Variants in GANAB observed in about 807,000 individuals in gnomAD.
GANAB encodes the protein glucosidase II alpha subunit.
Under a neutral mutation model 129.9 loss-of-function variants are expected in GANAB, and 35 were observed. That is an observed-to-expected ratio of 0.27 (90% CI 0.21 to 0.36). The LOEUF (loss-of-function observed/expected upper bound fraction) is 0.36, where lower values mean the gene tolerates loss of function less well. GANAB is among the 10% of genes least tolerant of loss of function. The pLI, the probability that GANAB is intolerant of heterozygous loss-of-function variation, is 1.00. For missense variants in GANAB, 939 were observed against 1,221.0 expected, an observed-to-expected ratio of 0.77 and a Z score of 3.44; for synonymous variants, 482 against 451.8, an observed-to-expected ratio of 1.07 and a Z score of -0.85.
intron 1 of GANAB, among the ~76,000 whole-genome samples, chr11:62,645,841 GCCTAC>G (rs2134567929): frequency 6.6e-6 from 1 of 152,288 alleles, no homozygotes; most frequent in Admixed American, 6.5e-5. Context: ...GAGAGTACAC[GCCTAC>G]CCCACCCCAG....
rs368549837 is a variant in GANAB, at chr11:62,635,032, G to A, written c.381-32C>T. The stretch of plus-strand genomic sequence containing the variant: ...AACATATCAAAAGAAATATAAGGAA[G>A]TACAAAGGGCCAAGAGGAGTAATGA... On this transcript the variant is annotated intron_variant, in intron 4 of 23. Coordinates refer to ENST00000356638, the MANE Select transcript of GANAB (RefSeq NM_198334.3). 31 of 1,538,472 alleles carry A rather than the reference G, an allele frequency of 2.0e-5. No individual in the cohort carries two copies. In the African/African-American group the frequency reaches 4.1e-4, roughly 20 times the overall value.
At chr11:62,634,452 G>A (rs1943842606) in intron 5 of GANAB, 4 of 930,582 alleles carry the variant, frequency 4.3e-6, no homozygotes, top group Non-Finnish European at 7.1e-6. Flanking sequence ...ATAAAAGTGA[G>A]TTTCAGTCGA....
intron 8 of GANAB, 24 bp downstream of exon 8, chr11:62,632,981 T>C: frequency 7.1e-7 from 1 of 1,415,870 alleles, no homozygotes; most frequent in Non-Finnish European, 1.0e-6. Flanking sequence ...ACCTCCATCT[T>C]CCTGATGTCA....
At chr11:62,637,408 T>C (rs928919646) in intron 4 of GANAB, among the ~76,000 whole-genome samples, 2 of 151,114 alleles carry the variant, frequency 1.3e-5, no homozygotes, top group Admixed American at 1.3e-4. Context: ...CCAGCTTCAA[T>C]GAGGGCTTCT....
rs1010526508 is a variant in GANAB at position 62,625,628 on chromosome 11, G to A, written c.*187C>T. The A allele has an allele frequency of 3.3e-6, 2 of 603,298 alleles. No individual in the cohort carries two copies. The highest frequency in any genetic ancestry group is 5.9e-6 in the Non-Finnish European group (2 of 336,448). The allele number at this position is 603,298 out of a possible 1,614,324, so 37.4% of individuals were successfully genotyped here. On this transcript the variant is annotated 3_prime_UTR_variant, in exon 24 of 24. Transcript: ENST00000356638. ...TTGGTATCAATGGAGTGGGAGAGGT[G>A]AGGAGATCACAAGAGGAATTTGGAG...
In GANAB at chr11:62,629,124, C is replaced by T. The variant is rs902275005; in HGVS notation, c.1936+70G>A. ...CTCTCAACTCTCTTTGCTTACAACA[C>T]CTTGGTCCTGTGCCCTCTACTTTGC... On this transcript the variant is annotated intron_variant, in intron 16 of 23. Coordinates refer to ENST00000356638, the MANE Select transcript of GANAB (RefSeq NM_198334.3). 1.2e-5 allele frequency: 19 copies of T among 1,537,928 alleles called. No homozygotes were observed. In the African/African-American group the frequency reaches 2.5e-4, roughly 20 times the overall value.
Position 62,626,321 on chromosome 11 carries a change from G to A in GANAB, c.2624+14C>T, listed in dbSNP as rs765530886. 25 of 1,546,420 alleles carry A rather than the reference G, an allele frequency of 1.6e-5. No homozygotes were observed. The highest frequency in any genetic ancestry group is 2.2e-5 in the East Asian group (1 of 44,578). ...CCAGCAAAGGCAGCCAAGGAAGAGT[G>A]GGTGACCCATTACCTGGAGACAAGG... On this transcript the variant is annotated intron_variant, in intron 22 of 23. Transcript: ENST00000356638.
At chr11:62,635,043 C>A in intron 4 of GANAB, 43 bp from the exon 5 acceptor site, 2 of 1,436,372 alleles carry the variant, frequency 1.4e-6, no homozygotes, top group Non-Finnish European at 2.0e-6. Flanking sequence ...TACAAAGGGC[C>A]AAGAGGAGTA....
rs1357198512 is a variant in GANAB, at chr11:62,638,969, C to G, written c.380+14G>C. On this transcript the variant is annotated intron_variant, in intron 4 of 23. Transcript: ENST00000356638. ...AGGGGCCACAGAAATGGATGTTTCT[C>G]AGGAAAAATTTACCGGGCTATTGGT... The G allele has an allele frequency of 6.2e-7, 1 of 1,611,808 alleles. No homozygotes were observed. The highest frequency in any genetic ancestry group is 8.5e-7 in the Non-Finnish European group (1 of 1,178,602).
Position 62,625,039 on chromosome 11 carries a change from T to C in GANAB, c.*776A>G, listed in dbSNP as rs1943300596. 7 of 331,564 alleles carry C rather than the reference T, an allele frequency of 2.1e-5. No homozygotes were observed. The highest frequency in any genetic ancestry group is 1.1e-4 in the South Asian group (5 of 45,870). The allele number at this position is 331,564 out of a possible 1,614,324, so 20.5% of individuals were successfully genotyped here. On this transcript the variant is annotated 3_prime_UTR_variant, in exon 24 of 24. Coordinates refer to ENST00000356638, the MANE Select transcript of GANAB (RefSeq NM_198334.3). The stretch of plus-strand genomic sequence containing the variant: ...TCCTAGCAATAAATACAGGTGACCA[T>C]GATTCACTGAAACCACAACTGATTT...
chr11:62,637,825 G>A (rs886839806), intron 4 of GANAB, among the ~76,000 whole-genome samples: 2 of 151,384 alleles, frequency 1.3e-5, no homozygotes, highest in Non-Finnish European at 2.9e-5. Flanking sequence ...ACGAGGTCAG[G>A]AGATTGAGAC....
chr11:62,626,106 A>G lies in GANAB; in HGVS notation c.2684T>C (p.Ile895Thr), dbSNP rs1943361229. Residue 895 changes from isoleucine (I) to threonine (T), a missense_variant, in exon 23 of 24, where the codon ATA (isoleucine) becomes ACA (threonine). By Grantham distance (89) the Ile-to-Thr change is moderately conservative (BLOSUM62 -1). Coordinates refer to ENST00000356638, the MANE Select transcript of GANAB (RefSeq NM_198334.3). ...CACAGCTGCTGGCTTTCCAGCCCCT[A>G]TTATCACCACCCGCTCAATCCAGAT... Reference protein sequence around the residue: ...TPIWIERVVIIGAGKPAAVVL... With the variant: ...TPIWIERVVITGAGKPAAVVL... 2 of 1,613,932 alleles carry G rather than the reference A, an allele frequency of 1.2e-6. No homozygotes were observed. Among genetic ancestry groups the G allele is most frequent in the Non-Finnish European group, 1.7e-6 (2 of 1,179,808 alleles).
chr11:62,633,629 G>A (rs1000928320), intron 5 of GANAB, 115 bp from the exon 6 acceptor site: 4 of 869,348 alleles, frequency 4.6e-6, no homozygotes, highest in Non-Finnish European at 7.6e-6. Flanking sequence ...AGGCATTGGA[G>A]GAAGGGACTA....
At chr11:62,639,557 T>C in intron 2 of GANAB, 70 bp downstream of exon 2, 1 of 1,436,146 alleles carries the variant, frequency 7.0e-7, no homozygotes, top group Admixed American at 1.7e-5. Flanking sequence ...AGGCACTCCA[T>C]CTGCCACAGA....
intron 13 of GANAB, 88 bp downstream of exon 13, chr11:62,630,109 C>G: frequency 7.6e-7 from 1 of 1,323,184 alleles, no homozygotes; most frequent in Non-Finnish European, 1.1e-6. Flanking sequence ...TGCAGGCAAT[C>G]AACCATAGAA....
chr11:62,645,889 C>T (rs1194116117), intron 1 of GANAB, among the ~76,000 whole-genome samples: 1 of 152,204 alleles, frequency 6.6e-6, no homozygotes, highest in Non-Finnish European at 1.5e-5. Context: ...ACATTTGTGG[C>T]ACTGGTGATA....
At chr11:62,630,137 G>C (rs2134476321) in intron 13 of GANAB, 60 bp downstream of exon 13, 1 of 1,406,718 alleles carries the variant, frequency 7.1e-7, no homozygotes. Context: ...CAAGCCGAGA[G>C]AGATTCAGGG....
At chr11:62,633,925 A>T (rs1455483765) in intron 5 of GANAB, 1 of 371,456 alleles carries the variant, frequency 2.7e-6, no homozygotes, top group Non-Finnish European at 4.9e-6. Context: ...CATGTGGGTC[A>T]TACTATACCA....
chr11:62,637,381 A>C (rs1329159094), intron 4 of GANAB, among the ~76,000 whole-genome samples: 2 of 152,118 alleles, frequency 1.3e-5, no homozygotes, highest in African/African-American at 4.8e-5. Flanking sequence ...CAGGAGATCG[A>C]GACCATCCTG....
Sources: allele counts gnomAD v4.1 joint callset (sites outside exome capture counted in the v4.1 genomes callset), GRCh38; gene constraint gnomAD v4.1.1; transcripts MANE v1.5; gene names NCBI Gene and HGNC (gene_info 2026-07-23, HGNC 2026-07-21).